The following FER1L6 variants were observed in gnomAD, a reference collection of about 807,000 sequenced individuals.
FER1L6 encodes the protein fer-1-like protein 6.
Under a neutral mutation model 219.2 loss-of-function variants are expected in FER1L6, and 177 were observed. The ratio of observed to expected loss-of-function variants is 0.81; its 90% CI spans 0.71 to 0.91. FER1L6 has a LOEUF of 0.91. FER1L6 is among the 40% of genes least tolerant of loss of function. The pLI, the probability that FER1L6 is intolerant of heterozygous loss-of-function variation, is 0.00. For missense variants in FER1L6, 2,153 were observed against 2,259.9 expected (o/e 0.95, Z 0.96); for synonymous variants, 768 against 824.3 (o/e 0.93, Z 1.17).
At chr8:123,866,139 C>T (rs1374103357) in intron 1 of FER1L6, among the ~76,000 whole-genome samples, 1 of 152,046 alleles carries the variant, frequency 6.6e-6, no homozygotes, top group Non-Finnish European at 1.5e-5. Context: ...TGCTCTGTTT[C>T]TATGAGGTCG....
intron 1 of FER1L6, among the ~76,000 whole-genome samples, chr8:123,902,573 T>C (rs1229060950): frequency 6.6e-6 from 1 of 152,222 alleles, no homozygotes; most frequent in African/African-American, 2.4e-5. Context: ...CCTCTTTGTC[T>C]CTTTTAACTG....
intron 1 of FER1L6, among the ~76,000 whole-genome samples, chr8:123,880,285 C>T (rs181355314): frequency 4.4e-4 from 67 of 152,144 alleles, no homozygotes; most frequent in African/African-American, 1.6e-3. Context: ...TCTTCTAACT[C>T]CCACTGTATT....
At chr8:124,072,144 G>A (rs998524344) in intron 31 of FER1L6, among the ~76,000 whole-genome samples, 1 of 152,200 alleles carries the variant, frequency 6.6e-6, no homozygotes, top group African/African-American at 2.4e-5. Flanking sequence ...GCAGGAGAGG[G>A]AACCAAATAG....
intron 3 of FER1L6, among the ~76,000 whole-genome samples, chr8:123,965,360 A>G (rs1815489332): frequency 6.6e-6 from 1 of 152,222 alleles, no homozygotes; most frequent in Non-Finnish European, 1.5e-5. Context: ...TTCATTTGCC[A>G]CTGATTTCAG....
rs529883846 is a variant in FER1L6, at chr8:124,025,393, A to G, written c.2286+1797A>G. On this transcript the variant is annotated intron_variant, in intron 18 of 40. Coordinates refer to ENST00000522917, the MANE Select transcript of FER1L6 (RefSeq NM_001039112.2). ...TAGAGATCCAGGTTCATTCTTCTAC[A>G]TGTGGCTATCTCATTTTCCCAGTAC... Among the ~76,000 whole-genome samples the G allele has an allele frequency of 2.0e-5, 3 of 152,246 alleles. No homozygotes were observed. The East Asian group carries it at 5.8e-4, about 29-fold the overall frequency.
chr8:124,082,548 T>G, intron 33 of FER1L6, 90 bp downstream of exon 33: 25 of 1,241,022 alleles, frequency 2.0e-5, no homozygotes, highest in Non-Finnish European at 2.7e-5. Context: ...TGTCCATCTC[T>G]AGGAAGGCCA....
chr8:124,102,871 T>A (rs1822603035), intron 38 of FER1L6, among the ~76,000 whole-genome samples: 1 of 152,234 alleles, frequency 6.6e-6, no homozygotes, highest in Non-Finnish European at 1.5e-5. Context: ...TACCTGCAGC[T>A]GAGGCTTGCA....
intron 22 of FER1L6, among the ~76,000 whole-genome samples, chr8:124,051,362 C>T (rs1484533784): frequency 2.0e-5 from 3 of 152,166 alleles, no homozygotes; most frequent in Admixed American, 1.3e-4. Flanking sequence ...CTCCTGGTGC[C>T]TCAGTGAGTA....
rs146302623 is a variant in FER1L6 at position 124,099,883 on chromosome 8, C to T, written c.4884-1214C>T. Among the ~76,000 whole-genome samples the T allele has an allele frequency of 6.4e-4, 97 of 152,258 alleles. 2 individuals are homozygous for T. In the East Asian group the frequency reaches 0.017, roughly 27 times the overall value. On this transcript the variant is annotated intron_variant, in intron 37 of 40. Transcript: ENST00000522917. ...GGCTGCATCCTTATTTCTTCTTCCA[C>T]GGGGCCTTTGCACATCTCTCTCTAG...
chr8:123,919,901 G>A (rs1013072874), intron 1 of FER1L6, among the ~76,000 whole-genome samples: 1 of 152,188 alleles, frequency 6.6e-6, no homozygotes, highest in Non-Finnish European at 1.5e-5. Context: ...GCAAGGGGGA[G>A]CAGGTGGCCA....
chr8:123,969,735 A>G (rs575223570), intron 5 of FER1L6, among the ~76,000 whole-genome samples: 1 of 152,066 alleles, frequency 6.6e-6, no homozygotes, highest in South Asian at 2.1e-4. Flanking sequence ...GTGTGGTGGT[A>G]TAGGCCTGTA....
chr8:124,119,036 C>G (rs953354487), intron 40 of FER1L6, 92 bp downstream of exon 40: 7 of 1,056,714 alleles, frequency 6.6e-6, no homozygotes, highest in Non-Finnish European at 9.9e-6. Context: ...TTAGAGCAGC[C>G]CTGTGGGAGA....
intron 1 of FER1L6, among the ~76,000 whole-genome samples, chr8:123,896,089 G>A (rs1047138653): frequency 1.1e-4 from 16 of 152,178 alleles, no homozygotes; most frequent in African/African-American, 3.9e-4. Context: ...AGCAAGTGCT[G>A]TCCGGGGAAG....
At chr8:124,087,599 AGATAATGTTTTCCCG>A (rs1328174135) in intron 33 of FER1L6, among the ~76,000 whole-genome samples, 2 of 152,048 alleles carry the variant, frequency 1.3e-5, no homozygotes, top group Non-Finnish European at 2.9e-5. Flanking sequence ...TCTTTTGGTG[AGATAATGTTTTCCCG>A]GATGGCCCTG....
chr8:123,990,192 C>G lies in FER1L6; in HGVS notation c.1519+4016C>G, dbSNP rs1358958833. ...CTGAGGCAGGAGAATGGTGTGAACC[C>G]AGGAGGCGGATCTTGCAGTAAGCCG... On this transcript the variant is annotated intron_variant, in intron 12 of 40. Coordinates refer to ENST00000522917, the MANE Select transcript of FER1L6 (RefSeq NM_001039112.2). Among the ~76,000 whole-genome samples, 3 of 152,106 alleles carry G rather than the reference C, an allele frequency of 2.0e-5. No homozygotes were observed. In the East Asian group the frequency reaches 5.8e-4, roughly 29 times the overall value.
intron 5 of FER1L6, 132 bp from the exon 6 acceptor site, chr8:123,969,903 C>T (rs1815718908): frequency 3.3e-6 from 2 of 602,918 alleles, no homozygotes; most frequent in South Asian, 4.1e-5. Context: ...TGACAATTGA[C>T]AATCAATTGA....
chr8:123,992,031 G>A (rs915448970), intron 12 of FER1L6, among the ~76,000 whole-genome samples: 10 of 151,936 alleles, frequency 6.6e-5, no homozygotes, highest in East Asian at 1.9e-4. Flanking sequence ...AACCATTCCC[G>A]CATCCCTGGA....
intron 1 of FER1L6, among the ~76,000 whole-genome samples, chr8:123,934,579 T>C (rs765693500): frequency 1.3e-5 from 2 of 152,180 alleles, no homozygotes; most frequent in East Asian, 3.9e-4. Flanking sequence ...ATGTTCTCAA[T>C]GTATGGCTGG....
rs780415841 is a variant in FER1L6, at chr8:123,977,589, A to G, written c.1043A>G (p.Asn348Ser). 13 of 1,614,112 alleles carry G rather than the reference A, an allele frequency of 8.1e-6. No individual in the cohort carries two copies. The highest frequency in any genetic ancestry group is 1.3e-5 in the African/African-American group (1 of 75,048). Residue 348 changes from asparagine to serine, a missense_variant, in exon 10 of 41, where the codon AAC becomes AGC. By Grantham distance (46) the Asn-to-Ser change is conservative. Transcript: ENST00000522917. The stretch of plus-strand genomic sequence containing the variant: ...TTCATTGACCTGAAGAAAATCTCCA[A>G]CGAACAGGATGGAGACAAAGGTAAA... ...THFIDLKKIS[N>S]EQDGDKGFLP...
Sources: allele counts gnomAD v4.1 joint callset (sites outside exome capture counted in the v4.1 genomes callset), GRCh38; gene constraint gnomAD v4.1.1; transcripts MANE v1.5; gene names NCBI Gene and HGNC (gene_info 2026-07-23, HGNC 2026-07-21).